Variants in AHNAK observed in about 807,000 individuals in gnomAD.
AHNAK encodes AHNAK nucleoprotein.
AHNAK carries 23 observed loss-of-function variants against 37.8 expected under a neutral mutation model. The ratio of observed to expected loss-of-function variants is 0.61; its 90% CI spans 0.44 to 0.86. The LOEUF is 0.86. AHNAK is among the 40% of genes least tolerant of loss of function. AHNAK has a pLI of 0.00. For synonymous variants in AHNAK, 2,481 were observed against 2,636.3 expected (o/e 0.94, Z 1.80); for missense variants, 7,411 against 7,319.4 (o/e 1.01, Z -0.46).
At chr11:62,466,573 C>T (rs1337158060) in intron 5 of AHNAK, among the ~76,000 whole-genome samples, 2 of 150,556 alleles carry the variant, frequency 1.3e-5, no homozygotes, top group South Asian at 4.2e-4. Context: ...ACTTAGAAGT[C>T]ATCCTTGATT....
At chr11:62,484,717 T>C (rs988485433) in intron 5 of AHNAK, among the ~76,000 whole-genome samples, 7 of 152,154 alleles carry the variant, frequency 4.6e-5, no homozygotes, top group African/African-American at 1.4e-4. Flanking sequence ...CCGAGTGAGA[T>C]GGGGAGCCAC....
intron 4 of AHNAK, among the ~76,000 whole-genome samples, chr11:62,509,365 C>T (rs1389138148): frequency 1.3e-5 from 2 of 151,162 alleles, no homozygotes; most frequent in African/African-American, 4.9e-5. Context: ...GTCAGGAGTT[C>T]GAGACCAGCC....
chr11:62,502,505 G>A (rs1479884505), intron 4 of AHNAK, among the ~76,000 whole-genome samples: 3 of 152,142 alleles, frequency 2.0e-5, no homozygotes, highest in Non-Finnish European at 2.9e-5. Context: ...GTGATAAGAT[G>A]GCTTATCAAG....
At chr11:62,451,357 A>G (rs765805562) in intron 5 of AHNAK, among the ~76,000 whole-genome samples, 2 of 150,880 alleles carry the variant, frequency 1.3e-5, no homozygotes, top group Non-Finnish European at 3.0e-5. Context: ...GGCCCTTCCC[A>G]GCTGACAGCC....
chr11:62,491,421 G>T (rs1002664788), intron 5 of AHNAK, among the ~76,000 whole-genome samples: 7 of 152,184 alleles, frequency 4.6e-5, no homozygotes, highest in African/African-American at 1.7e-4. Context: ...GGGTTTAATA[G>T]GTACTGTCTT....
chr11:62,521,104 G>A lies in AHNAK; in HGVS notation c.13313C>T (p.Pro4438Leu), dbSNP rs574639720. ...TTTGGGCCCCTTCAATTTTCCTTCC[G>A]GACCTTCAATATTGACATCAGGTGT... ...IDTPDVNIEG[P>L]EGKLKGPKFK... Residue 4438 changes from proline to leucine, a missense_variant, in exon 5 of 5, where the codon CCG becomes CTG. Transcript: ENST00000378024. 2.4e-5 allele frequency: 39 copies of A among 1,613,914 alleles called. No homozygotes were observed. Among genetic ancestry groups the A allele is most frequent in the Non-Finnish European group, 3.1e-5 (36 of 1,179,986 alleles).
chr11:62,501,082 A>C (rs1939703201), intron 4 of AHNAK, among the ~76,000 whole-genome samples: 1 of 151,886 alleles, frequency 6.6e-6, no homozygotes. Context: ...CACAAAACAA[A>C]TTAGTCAGGC....
At position 62,528,953 on chromosome 11, in the gene AHNAK, C is replaced by G. The variant is rs781257038; in HGVS notation, c.5464G>C (p.Val1822Leu). ...GPQVDVKGPF[V>L]EAEVPDVDLE... The stretch of plus-strand genomic sequence containing the variant: ...TCAACATCGGGCACCTCCGCTTCCA[C>G]AAAAGGACCTTTGACATCAACTTGC... The change falls in exon 5 of 5, where the codon GTG (valine) becomes CTG (leucine). Residue 1822 changes from valine to leucine, a missense_variant. Val to Leu is a conservative substitution (Grantham distance 32, BLOSUM62 1). Transcript: ENST00000378024. 1.2e-6 allele frequency: 2 copies of G among 1,614,206 alleles called. No individual in the cohort carries two copies. The highest frequency in any genetic ancestry group is 1.7e-5 in the Admixed American group (1 of 60,018).
rs148931317 is a variant in AHNAK at position 62,444,107 on chromosome 11, G to A, written c.443-10216C>T. ...GCTCCAGATGTGGATCCTACAGAGAGTTCTGAGGTTCAGTGCCCCCTCCAC... is the reference window on the plus strand; with the variant it reads ...GCTCCAGATGTGGATCCTACAGAGAATTCTGAGGTTCAGTGCCCCCTCCAC... On this transcript the variant is annotated intron_variant, in intron 5 of 5. Transcript: ENST00000257247. 4.2e-3 allele frequency among the ~76,000 whole-genome samples: 647 copies of A among 152,352 alleles called. 5 individuals are homozygous for A. The highest frequency in any genetic ancestry group is 0.015 in the African/African-American group (622 of 41,584).
chr11:62,461,838 A>C (rs1297929727), intron 5 of AHNAK, among the ~76,000 whole-genome samples: 5 of 152,062 alleles, frequency 3.3e-5, no homozygotes, highest in Non-Finnish European at 7.4e-5. Flanking sequence ...AAAAAAAAAA[A>C]AAACAACCTT....
intron 5 of AHNAK, among the ~76,000 whole-genome samples, chr11:62,449,492 C>T (rs1057118640): frequency 3.3e-5 from 5 of 152,136 alleles, no homozygotes; most frequent in Admixed American, 6.5e-5. Context: ...GAGGGGCCAG[C>T]GACCAAGAGA....
chr11:62,530,987 G>A lies in AHNAK; in HGVS notation c.3430C>T (p.Pro1144Ser), dbSNP rs1940722379. 6.2e-7 allele frequency: 1 copy of A among 1,613,884 alleles called. No individual in the cohort carries two copies. Among genetic ancestry groups the A allele is most frequent in the South Asian group, 1.1e-5 (1 of 91,062 alleles). Reference protein sequence around the residue: ...FSMPSLKGEGPEVDVNLPKAD... With the variant: ...FSMPSLKGEGSEVDVNLPKAD... Reference sequence around the variant, plus strand: ...TTAGGCAAGTTCACATCCACTTCTGGGCCCTCGCCTTTGAGGCTGGGCATG... The same window carrying A: ...TTAGGCAAGTTCACATCCACTTCTGAGCCCTCGCCTTTGAGGCTGGGCATG... The change falls in exon 5 of 5, where the codon CCA (proline) becomes TCA (serine). Residue 1144 changes from proline to serine, a missense_variant. Physicochemically the swap from Pro to Ser is moderately conservative, Grantham distance 74. Coordinates refer to ENST00000378024, the MANE Select transcript of AHNAK (RefSeq NM_001620.3).
chr11:62,498,473 T>C (rs1452826521), intron 4 of AHNAK, among the ~76,000 whole-genome samples: 1 of 148,130 alleles, frequency 6.8e-6, no homozygotes, highest in East Asian at 2.0e-4. Context: ...AATTGAATCT[T>C]TGGGGCCAGA....
chr11:62,532,465 G>A lies in AHNAK; in HGVS notation c.1952C>T (p.Thr651Ile), dbSNP rs1940792036. The change falls in exon 5 of 5, where the codon ACT becomes ATT. Residue 651 changes from threonine (T) to isoleucine (I), a missense_variant. Transcript: ENST00000378024. ...AATACTGATATCTCCTTTGGGTAGA[G>A]TCATATGAACATCTGGACCTTCCCC... ...AKGEGPDVHM[T>I]LPKGDISISG... is the part of the protein sequence containing the mutation. 6.2e-7 allele frequency: 1 copy of A among 1,613,746 alleles called. No individual in the cohort carries two copies. The highest frequency in any genetic ancestry group is 8.5e-7 in the Non-Finnish European group (1 of 1,179,970).
At chr11:62,508,787 AT>A (rs1939857691) in intron 4 of AHNAK, among the ~76,000 whole-genome samples, 1 of 152,240 alleles carries the variant, frequency 6.6e-6, no homozygotes, top group Non-Finnish European at 1.5e-5. Context: ...CATGCATGGA[AT>A]TCTTTGTCCT....
At chr11:62,459,197 T>G (rs1163000112) in intron 5 of AHNAK, among the ~76,000 whole-genome samples, 1 of 152,172 alleles carries the variant, frequency 6.6e-6, no homozygotes, top group Non-Finnish European at 1.5e-5. Context: ...ACAAATGTAC[T>G]CACAGTTGAA....
At chr11:62,542,245 T>G (rs551935331) in intron 1 of AHNAK, among the ~76,000 whole-genome samples, 12 of 152,140 alleles carry the variant, frequency 7.9e-5, no homozygotes, top group African/African-American at 2.9e-4. Flanking sequence ...CGGCTCACAA[T>G]AGACAGTTGT....
At chr11:62,535,727 G>C (rs184286881) in intron 3 of AHNAK, among the ~76,000 whole-genome samples, 2 of 152,046 alleles carry the variant, frequency 1.3e-5, no homozygotes, top group Non-Finnish European at 2.9e-5. Flanking sequence ...AGGACCAGGT[G>C]TCCACTACCC....
intron 4 of AHNAK, among the ~76,000 whole-genome samples, chr11:62,503,070 G>A (rs978455378): frequency 2.4e-4 from 36 of 152,240 alleles, no homozygotes; most frequent in Non-Finnish European, 1.9e-4. Context: ...TCCATATTCC[G>A]TGAGAGTTCA....
Sources: gnomAD v4.1 joint callset for allele counts (sites outside exome capture counted in the v4.1 genomes callset) on GRCh38, gnomAD v4.1.1 for gene constraint, MANE v1.5 for transcripts, NCBI Gene and HGNC (gene_info 2026-07-23, HGNC 2026-07-21) for gene names.